Variants in FOCAD observed in about 807,000 individuals in gnomAD.
FOCAD encodes focadhesin.
FOCAD carries 198 observed loss-of-function variants against 225.6 expected under a neutral mutation model. The ratio of observed to expected loss-of-function variants is 0.88; its 90% CI spans 0.78 to 0.99. The LOEUF (loss-of-function observed/expected upper bound fraction) is 0.99, where lower values mean the gene tolerates loss of function less well. Ranked by LOEUF, FOCAD falls within the 50% of genes least tolerant of loss-of-function variation. FOCAD has a pLI of 0.00. For missense variants in FOCAD, 2,713 were observed against 2,123.6 expected (o/e 1.28, Z -5.46); for synonymous variants, 897 against 755.0 (o/e 1.19, Z -3.08).
intron 2 of FOCAD, among the ~76,000 whole-genome samples, chr9:20,660,948 G>T (rs1278140542): frequency 6.6e-6 from 1 of 152,196 alleles, no homozygotes; most frequent in Non-Finnish European, 1.5e-5. Context: ...ACAAGACTGT[G>T]ATTAAAATGG....
intron 26 of FOCAD, among the ~76,000 whole-genome samples, chr9:20,928,773 G>A (rs112411540): frequency 6.6e-6 from 1 of 152,074 alleles, no homozygotes; most frequent in Non-Finnish European, 1.5e-5. Context: ...TAATTAAAAG[G>A]AATTAACCCC....
chr9:20,814,529 G>A (rs1405791787), intron 11 of FOCAD, among the ~76,000 whole-genome samples: 1 of 151,666 alleles, frequency 6.6e-6, no homozygotes, highest in Non-Finnish European at 1.5e-5. Flanking sequence ...GCTAATTTCT[G>A]TGTTTTTAGT....
chr9:20,695,646 G>A (rs1036239850), intron 1 of FOCAD, among the ~76,000 whole-genome samples: 1 of 152,188 alleles, frequency 6.6e-6, no homozygotes, highest in Admixed American at 6.5e-5. Flanking sequence ...GGGAAGTAAG[G>A]ATTATCCACC....
chr9:20,768,644 A>G (rs997809514), intron 7 of FOCAD, among the ~76,000 whole-genome samples: 2 of 152,316 alleles, frequency 1.3e-5, no homozygotes, highest in East Asian at 1.9e-4. Context: ...ACTGAGCACT[A>G]AGACAGAATC....
In FOCAD at chr9:20,758,136, T is replaced by G; in HGVS notation, c.439T>G (p.Cys147Gly). The change falls in exon 6 of 44, where the codon TGC (cysteine) becomes GGC (glycine). Residue 147 changes from cysteine (C) to glycine (G), a missense_variant. Coordinates refer to ENST00000338382, the MANE Select transcript of FOCAD (RefSeq NM_001375567.1). ...AACTGTGCTTGAACACAGACCTGATTGCTGGCCAGTGTTTTTGCAGCAGCT... is the reference window on the plus strand; with the variant it reads ...AACTGTGCTTGAACACAGACCTGATGGCTGGCCAGTGTTTTTGCAGCAGCT... ...LITVLEHRPD[C>G]WPVFLQQLTA... 1.2e-6 allele frequency: 2 copies of G among 1,612,740 alleles called. No individual in the cohort carries two copies.
At chr9:20,866,867 T>G in intron 17 of FOCAD, 62 bp from the exon 18 acceptor site, 4 of 1,033,896 alleles carry the variant, frequency 3.9e-6, no homozygotes, top group Non-Finnish European at 5.6e-6. Context: ...TTAATGCATG[T>G]TGTGTTTTTT....
intron 30 of FOCAD, 60 bp downstream of exon 30, chr9:20,946,880 C>G: frequency 6.3e-7 from 1 of 1,595,902 alleles, no homozygotes; most frequent in Non-Finnish European, 8.5e-7. Flanking sequence ...CTAAGTTTTG[C>G]TTTTGACTTA....
At position 20,866,415 on chromosome 9, in the gene FOCAD, G is replaced by A. The variant is rs374828855; in HGVS notation, c.2106+439G>A. 7.9e-5 allele frequency among the ~76,000 whole-genome samples: 12 copies of A among 152,022 alleles called. No individual in the cohort carries two copies. The East Asian group carries it at 1.5e-3, about 20-fold the overall frequency. The stretch of plus-strand genomic sequence containing the variant: ...ATGAATGAGCTTAGATTCCAAAAAG[G>A]CTAACTTGCCCTATTAATAGGTGGA... On this transcript the variant is annotated intron_variant, in intron 17 of 43. Coordinates refer to ENST00000338382, the MANE Select transcript of FOCAD (RefSeq NM_001375567.1).
chr9:20,985,246 C>T (rs1841053047), intron 39 of FOCAD, among the ~76,000 whole-genome samples: 1 of 152,202 alleles, frequency 6.6e-6, no homozygotes, highest in Non-Finnish European at 1.5e-5. Context: ...TAATATCATA[C>T]ATTGGTCATT....
chr9:20,705,593 G>T (rs1824313779), intron 1 of FOCAD, among the ~76,000 whole-genome samples: 1 of 151,832 alleles, frequency 6.6e-6, no homozygotes, highest in East Asian at 1.9e-4. Context: ...AAATAATTAG[G>T]TATCAGTTTT....
chr9:20,883,953 C>T lies in FOCAD; in HGVS notation c.2504-1156C>T, dbSNP rs376413727. ...AAAAAACATAAATAAGCTGGAGGTT[C>T]AGCTGAGAGCTTAACTGACCGTTGT... On this transcript the variant is annotated intron_variant, in intron 20 of 43. Transcript: ENST00000338382. Among the ~76,000 whole-genome samples the T allele has an allele frequency of 1.2e-4, 19 of 152,244 alleles. 1 individual carries two copies. In the South Asian group the frequency reaches 3.7e-3, roughly 30 times the overall value.
At chr9:20,761,021 G>A (rs191361439) in intron 6 of FOCAD, among the ~76,000 whole-genome samples, 3 of 136,308 alleles carry the variant, frequency 2.2e-5, no homozygotes, top group Non-Finnish European at 3.2e-5. Context: ...TAGATTTTTT[G>A]GGGGGGGGCG....
At chr9:20,757,858 G>T (rs1043283815) in intron 5 of FOCAD, among the ~76,000 whole-genome samples, 9 of 152,154 alleles carry the variant, frequency 5.9e-5, no homozygotes, top group African/African-American at 1.9e-4. Flanking sequence ...GATCTCTGAG[G>T]CTCCTGTGTC....
chr9:20,775,497 T>G (rs1331427612), intron 8 of FOCAD, among the ~76,000 whole-genome samples: 1 of 152,216 alleles, frequency 6.6e-6, no homozygotes, highest in Non-Finnish European at 1.5e-5. Context: ...TTGGCCCATC[T>G]TGGCTTGATC....
intron 36 of FOCAD, among the ~76,000 whole-genome samples, chr9:20,976,815 G>C (rs547528422): frequency 6.6e-6 from 1 of 152,292 alleles, no homozygotes; most frequent in South Asian, 2.1e-4. Context: ...ATGTGGTACA[G>C]GTTCCATTAA....
intron 2 of FOCAD, among the ~76,000 whole-genome samples, chr9:20,674,528 A>C (rs1478712816): frequency 3.3e-5 from 5 of 152,220 alleles, no homozygotes; most frequent in African/African-American, 1.2e-4. Context: ...CAGAGAATGT[A>C]AGCAGAAGAG....
intron 35 of FOCAD, among the ~76,000 whole-genome samples, chr9:20,961,163 C>G (rs1264839373): frequency 6.6e-6 from 1 of 151,800 alleles, no homozygotes; most frequent in Non-Finnish European, 1.5e-5. Flanking sequence ...CTCCTCCCCT[C>G]CCCTCCGCTC....
chr9:20,888,731 G>A (rs1381047001), intron 21 of FOCAD, among the ~76,000 whole-genome samples: 1 of 152,062 alleles, frequency 6.6e-6, no homozygotes, highest in African/African-American at 2.4e-5. Context: ...TTCCTGCACT[G>A]TTCTCATGAT....
chr9:20,922,228 G>A (rs543197817), intron 24 of FOCAD, among the ~76,000 whole-genome samples: 3 of 152,220 alleles, frequency 2.0e-5, no homozygotes, highest in African/African-American at 7.2e-5. Context: ...CCAGGTTGGG[G>A]CCATCTGCTT....
Sources: allele counts gnomAD v4.1 joint callset (sites outside exome capture counted in the v4.1 genomes callset), GRCh38; gene constraint gnomAD v4.1.1; transcripts MANE v1.5; gene names NCBI Gene and HGNC (gene_info 2026-07-23, HGNC 2026-07-21).